Variants in ITGBL1 observed in about 807,000 individuals in gnomAD.
ITGBL1 encodes integrin beta-like protein 1.
A neutral mutation model predicts 68.5 loss-of-function variants in ITGBL1; 51 were observed. The observed-to-expected ratio is 0.74, with a 90% confidence interval of 0.59 to 0.94. ITGBL1 has a LOEUF of 0.94. Among genes scored for constraint, ITGBL1 ranks in the 40% least tolerant of loss-of-function variants. The pLI, the probability that ITGBL1 is intolerant of heterozygous loss-of-function variation, is 0.00. For missense variants in ITGBL1, 649 were observed against 647.4 expected, an observed-to-expected ratio of 1.00 and a Z score of -0.03; for synonymous variants, 209 against 227.3, an observed-to-expected ratio of 0.92 and a Z score of 0.72.
At chr13:101,658,511 A>T (rs1384396053) in intron 7 of ITGBL1, among the ~76,000 whole-genome samples, 2 of 152,152 alleles carry the variant, frequency 1.3e-5, no homozygotes, top group Non-Finnish European at 2.9e-5. Flanking sequence ...TAAATCAGTT[A>T]AATTATAATC....
intron 2 of ITGBL1, among the ~76,000 whole-genome samples, chr13:101,482,420 T>C (rs549032075): frequency 2.8e-4 from 42 of 152,148 alleles, no homozygotes; most frequent in African/African-American, 9.9e-4. Context: ...AGTTTCCATT[T>C]AAATTTGTCA....
rs1366934519 is a variant in ITGBL1 at position 101,536,722 on chromosome 13, T to C, written c.317-30977T>C. 2.0e-5 allele frequency among the ~76,000 whole-genome samples: 3 copies of C among 151,940 alleles called. No individual in the cohort carries two copies. The East Asian group carries it at 5.8e-4, about 29-fold the overall frequency. On this transcript the variant is annotated intron_variant, in intron 2 of 10. Transcript: ENST00000376180. ...TGCCTCATAAAGACTTCTGAGTAAA[T>C]TGATGCAAGACTTCTATTATTTCCC...
At chr13:101,629,296 G>A (rs533324588) in intron 7 of ITGBL1, among the ~76,000 whole-genome samples, 2 of 152,102 alleles carry the variant, frequency 1.3e-5, no homozygotes, top group African/African-American at 4.8e-5. Flanking sequence ...TAAAATATTT[G>A]AGTTTACTAT....
chr13:101,676,279 A>G (rs766510439), intron 7 of ITGBL1, among the ~76,000 whole-genome samples: 8 of 152,206 alleles, frequency 5.3e-5, no homozygotes, highest in Non-Finnish European at 1.2e-4. Flanking sequence ...AATTTTGTAA[A>G]TGATATGATC....
intron 3 of ITGBL1, 31 bp downstream of exon 3, chr13:101,567,876 G>A: frequency 6.3e-7 from 1 of 1,580,348 alleles, no homozygotes; most frequent in Non-Finnish European, 8.6e-7. Flanking sequence ...AAATTGTTAA[G>A]TGGAATAATC....
intron 7 of ITGBL1, among the ~76,000 whole-genome samples, chr13:101,624,008 C>T (rs2031683309): frequency 2.6e-5 from 4 of 152,132 alleles, no homozygotes; most frequent in South Asian, 2.1e-4. Flanking sequence ...ACAATGTATA[C>T]AATCTCTTAT....
Position 101,653,014 on chromosome 13 carries a change from C to T in ITGBL1, c.1016-39571C>T, listed in dbSNP as rs999827886. Among the ~76,000 whole-genome samples the T allele has an allele frequency of 4.0e-5, 6 of 151,708 alleles. No homozygotes were observed. In the East Asian group the frequency reaches 5.8e-4, roughly 15 times the overall value. ...GGGAGGCTGAAGCAGGAGAATTGCT[C>T]GAACCCGGGAGGTGGAGGTTGCAGT... On this transcript the variant is annotated intron_variant, in intron 7 of 10. Transcript: ENST00000376180.
intron 8 of ITGBL1, among the ~76,000 whole-genome samples, chr13:101,703,600 C>T (rs1010338108): frequency 7.9e-5 from 12 of 152,050 alleles, no homozygotes; most frequent in East Asian, 1.9e-4. Context: ...TTTTTTCCAA[C>T]GTTGTGATGG....
intron 2 of ITGBL1, among the ~76,000 whole-genome samples, chr13:101,461,463 G>A (rs2048316961): frequency 6.6e-6 from 1 of 152,172 alleles, no homozygotes; most frequent in South Asian, 2.1e-4. Flanking sequence ...GGAAGTTGAG[G>A]TGGGAGGATC....
intron 2 of ITGBL1, among the ~76,000 whole-genome samples, chr13:101,486,762 A>G (rs190791935): frequency 6.6e-6 from 1 of 152,156 alleles, no homozygotes. Flanking sequence ...GCTAATTGCT[A>G]TTCTCTGTGG....
At chr13:101,701,661 A>G (rs1241165806) in intron 8 of ITGBL1, among the ~76,000 whole-genome samples, 4 of 152,224 alleles carry the variant, frequency 2.6e-5, no homozygotes, top group Admixed American at 6.5e-5. Flanking sequence ...CAGAATATCA[A>G]CTTCTAAAAG....
intron 6 of ITGBL1, among the ~76,000 whole-genome samples, chr13:101,596,953 A>G (rs2030008280): frequency 6.6e-6 from 1 of 152,190 alleles, no homozygotes; most frequent in African/African-American, 2.4e-5. Flanking sequence ...CAGATCACAG[A>G]GGGTTTTCAG....
intron 7 of ITGBL1, among the ~76,000 whole-genome samples, chr13:101,639,736 A>T (rs530876052): frequency 6.6e-6 from 1 of 152,136 alleles, no homozygotes; most frequent in South Asian, 2.1e-4. Context: ...TCAGCATTTT[A>T]GTTTTGTTTT....
chr13:101,545,302 A>G (rs1287861516), intron 2 of ITGBL1, among the ~76,000 whole-genome samples: 1 of 152,222 alleles, frequency 6.6e-6, no homozygotes, highest in Non-Finnish European at 1.5e-5. Flanking sequence ...GTTAGAATGA[A>G]TGTTGTCACA....
chr13:101,646,052 T>C (rs775364814), intron 7 of ITGBL1, among the ~76,000 whole-genome samples: 30 of 152,166 alleles, frequency 2.0e-4, no homozygotes, highest in Non-Finnish European at 4.0e-4. Context: ...AAAGAGTGAG[T>C]GCTCAGAGGG....
intron 2 of ITGBL1, among the ~76,000 whole-genome samples, chr13:101,466,197 C>T (rs945049004): frequency 3.3e-5 from 5 of 152,210 alleles, no homozygotes; most frequent in African/African-American, 1.2e-4. Flanking sequence ...GCTTAGCCTT[C>T]ATTTCCCTTG....
chr13:101,550,427 C>T (rs1365494216), intron 2 of ITGBL1, among the ~76,000 whole-genome samples: 1 of 152,148 alleles, frequency 6.6e-6, no homozygotes, highest in African/African-American at 2.4e-5. Flanking sequence ...GTTCAAACAC[C>T]ACTTGGTTCT....
chr13:101,659,016 T>C (rs1424943962), intron 7 of ITGBL1, among the ~76,000 whole-genome samples: 2 of 150,346 alleles, frequency 1.3e-5, no homozygotes, highest in Admixed American at 1.3e-4. Context: ...TGACCCCTAA[T>C]CAGGCCTTAG....
chr13:101,657,844 A>C (rs1456859026), intron 7 of ITGBL1, among the ~76,000 whole-genome samples: 1 of 152,226 alleles, frequency 6.6e-6, no homozygotes, highest in African/African-American at 2.4e-5. Flanking sequence ...CTAGTGTTAC[A>C]GCAGTCCTGA....
Sources: gnomAD v4.1 joint callset for allele counts (sites outside exome capture counted in the v4.1 genomes callset) on GRCh38, gnomAD v4.1.1 for gene constraint, MANE v1.5 for transcripts, NCBI Gene and HGNC (gene_info 2026-07-23, HGNC 2026-07-21) for gene names.